Variants in PLCB4 observed in about 807,000 individuals in gnomAD.
PLCB4 encodes the protein phospholipase C beta 4, also known as 1-phosphatidylinositol 4,5-bisphosphate phosphodiesterase beta-4.
A neutral mutation model predicts 178.8 loss-of-function variants in PLCB4; 77 were observed. That is an observed-to-expected ratio of 0.43 (90% CI 0.36 to 0.52). The LOEUF (loss-of-function observed/expected upper bound fraction) is 0.52. Ranked by LOEUF, PLCB4 falls within the 20% of genes least tolerant of loss-of-function variation. The pLI, the probability that PLCB4 is intolerant of heterozygous loss-of-function variation, is 0.00. For synonymous variants in PLCB4, 496 were observed against 490.8 expected (o/e 1.01, Z -0.14); for missense variants, 1,024 against 1,453.4 (o/e 0.70, Z 4.80).
intron 12 of PLCB4, among the ~76,000 whole-genome samples, chr20:9,375,968 A>G (rs142039762): frequency 1.7e-3 from 262 of 152,158 alleles, no homozygotes; most frequent in Non-Finnish European, 1.1e-3. Flanking sequence ...CACTCTTTCT[A>G]TGAAAGTTTT....
intron 2 of PLCB4, among the ~76,000 whole-genome samples, chr20:9,145,477 A>G (rs754753831): frequency 6.7e-6 from 1 of 148,914 alleles, no homozygotes; most frequent in Non-Finnish European, 1.5e-5. Context: ...CATAATGATC[A>G]CTCTTATCCT....
chr20:9,361,462 A>G (rs1009913541), intron 7 of PLCB4, among the ~76,000 whole-genome samples: 1 of 152,182 alleles, frequency 6.6e-6, no homozygotes, highest in Non-Finnish European at 1.5e-5. Context: ...AATGGTATTA[A>G]TATTTATCAA....
Position 9,472,858 on chromosome 20 carries a change from T to C in PLCB4, c.3408+11T>C, listed in dbSNP as rs762636208. The C allele has an allele frequency of 3.3e-5, 50 of 1,518,640 alleles. No homozygotes were observed. Among genetic ancestry groups the C allele is most frequent in the Middle Eastern group, 1.7e-4 (1 of 5,854 alleles). 94.1% of individuals were successfully genotyped at this position (1,518,640 alleles called of 1,614,324 possible). A position where few individuals can be genotyped will look rare whatever the true frequency, so the allele number is the denominator to read the frequency against. ...GAAGAAAGAAAGAGAGTAAGTATTT[T>C]ATTATATTTTTGGCATTCTTCCTTT... is the stretch of plus-strand genomic sequence containing the variant. On this transcript the variant is annotated intron_variant, in intron 37 of 39. Transcript: ENST00000378473.
intron 19 of PLCB4, among the ~76,000 whole-genome samples, chr20:9,396,770 T>C (rs6077530): frequency 0.041 from 6,185 of 152,330 alleles, 189 homozygotes; most frequent in Non-Finnish European, 0.062. Flanking sequence ...AGAAATTATT[T>C]ACACTGTACT....
intron 3 of PLCB4, among the ~76,000 whole-genome samples, chr20:9,302,793 C>T (rs2147840761): frequency 6.6e-6 from 1 of 151,924 alleles, no homozygotes; most frequent in African/African-American, 2.4e-5. Flanking sequence ...ATACTGGGTA[C>T]TCATGTTGAT....
chr20:9,082,618 T>C (rs969645112), intron 1 of PLCB4, among the ~76,000 whole-genome samples: 1 of 152,242 alleles, frequency 6.6e-6, no homozygotes. Flanking sequence ...GATTATAGTT[T>C]AGTTATTACA....
intron 1 of PLCB4, among the ~76,000 whole-genome samples, chr20:9,087,311 T>C (rs1175844891): frequency 6.6e-6 from 1 of 152,346 alleles, no homozygotes; most frequent in East Asian, 1.9e-4. Context: ...TTTTATACTA[T>C]ACATAGTATA....
Position 9,338,879 on chromosome 20 carries a change from T to C in PLCB4, c.226-15T>C. 6.2e-7 allele frequency: 1 copy of C among 1,608,332 alleles called. No individual in the cohort carries two copies. Among genetic ancestry groups the C allele is most frequent in the South Asian group, 1.1e-5 (1 of 90,390 alleles). On this transcript the variant is annotated splice_polypyrimidine_tract_variant and intron_variant, in intron 6 of 39. Coordinates refer to ENST00000378473, the MANE Select transcript of PLCB4 (RefSeq NM_001377142.1). ...TGTAACTTATTTTTTTTTCTATCTG[T>C]GTACCTCTATACAGGATCCCAAAAT...
chr20:9,333,556 G>T (rs1448012060), intron 4 of PLCB4, among the ~76,000 whole-genome samples: 3 of 152,158 alleles, frequency 2.0e-5, no homozygotes, highest in Admixed American at 6.6e-5. Flanking sequence ...GATCGTTCAG[G>T]ACCTTTTCGG....
chr20:9,320,835 A>G (rs2147957634), intron 4 of PLCB4, among the ~76,000 whole-genome samples: 1 of 152,288 alleles, frequency 6.6e-6, no homozygotes, highest in East Asian at 1.9e-4. Flanking sequence ...CTAGAAATGC[A>G]GATTATTAGG....
At chr20:9,078,221 T>C (rs1242936369) in intron 1 of PLCB4, among the ~76,000 whole-genome samples, 3 of 151,914 alleles carry the variant, frequency 2.0e-5, no homozygotes, top group Non-Finnish European at 4.4e-5. Flanking sequence ...GCTCAAGCAG[T>C]CCCCCCACCT....
chr20:9,285,501 C>T (rs755791643), intron 3 of PLCB4, among the ~76,000 whole-genome samples: 9 of 151,886 alleles, frequency 5.9e-5, no homozygotes, highest in Non-Finnish European at 1.3e-4. Context: ...AATCTTGGCC[C>T]TCTTTTATGA....
At chr20:9,105,651 C>T (rs1451479348) in intron 2 of PLCB4, among the ~76,000 whole-genome samples, 1 of 152,028 alleles carries the variant, frequency 6.6e-6, no homozygotes, top group East Asian at 1.9e-4. Flanking sequence ...CCTTGTTTTA[C>T]ATACACATGT....
chr20:9,124,725 G>A (rs986513111), intron 2 of PLCB4, among the ~76,000 whole-genome samples: 1 of 152,154 alleles, frequency 6.6e-6, no homozygotes, highest in Non-Finnish European at 1.5e-5. Flanking sequence ...GGGTCTTAGT[G>A]TTGTGACCAA....
intron 32 of PLCB4, among the ~76,000 whole-genome samples, chr20:9,449,211 G>T (rs560808127): frequency 6.6e-5 from 10 of 152,252 alleles, no homozygotes; most frequent in African/African-American, 2.4e-4. Context: ...GACTCATTGG[G>T]ATCCAGAGCT....
intron 2 of PLCB4, among the ~76,000 whole-genome samples, chr20:9,168,760 C>T (rs1037928778): frequency 3.3e-5 from 5 of 152,150 alleles, no homozygotes; most frequent in East Asian, 1.9e-4. Context: ...TGAGGGGAAT[C>T]GACTAGCTGG....
intron 1 of PLCB4, 141 bp downstream of exon 1, chr20:9,069,347 G>C (rs962527253): frequency 2.0e-5 from 3 of 152,158 alleles, no homozygotes; most frequent in African/African-American, 4.8e-5. Context: ...TGCAGGTGCC[G>C]GGTGCCAGGC....
chr20:9,408,989 T>C, intron 23 of PLCB4, 68 bp from the exon 24 acceptor site: 1 of 1,446,946 alleles, frequency 6.9e-7, no homozygotes, highest in Non-Finnish European at 9.5e-7. Flanking sequence ...TTTGTTGTTT[T>C]AGCTCTTTGT....
At chr20:9,087,959 G>A (rs1480064161) in intron 1 of PLCB4, among the ~76,000 whole-genome samples, 1 of 152,128 alleles carries the variant, frequency 6.6e-6, no homozygotes, top group Non-Finnish European at 1.5e-5. Context: ...GTATTCACAA[G>A]GTCCACAGGA....
Sources: allele counts gnomAD v4.1 joint callset (sites outside exome capture counted in the v4.1 genomes callset), GRCh38; gene constraint gnomAD v4.1.1; transcripts MANE v1.5; gene names NCBI Gene and HGNC (gene_info 2026-07-23, HGNC 2026-07-21).